Variants in DACT3 observed in about 807,000 individuals in gnomAD.
The protein encoded by DACT3 is dapper homolog 3.
A neutral mutation model predicts 19.6 loss-of-function variants in DACT3; 5 were observed. The observed-to-expected ratio is 0.26, with a 90% CI of 0.13 to 0.54. DACT3 has a LOEUF of 0.54. DACT3 is among the 20% of genes least tolerant of loss of function. The pLI, the probability that DACT3 is intolerant of heterozygous loss-of-function variation, is 0.95. For missense variants in DACT3, 908 were observed against 927.4 expected (o/e 0.98, Z 0.27); for synonymous variants, 454 against 428.1 (o/e 1.06, Z -0.75).
rs1318749420 is a variant in DACT3 at position 46,649,350 on chromosome 19, G to A, written c.1022C>T (p.Ala341Val). 1.6e-6 allele frequency: 2 copies of A among 1,245,722 alleles called. No individual in the cohort carries two copies. Among genetic ancestry groups the A allele is most frequent in the Non-Finnish European group, 2.0e-6 (2 of 992,268 alleles). 77.2% of individuals were successfully genotyped at this position (1,245,722 alleles called of 1,614,324 possible). A position where few individuals can be genotyped will look rare whatever the true frequency, so the allele number is the denominator to read the frequency against. ...EAAPEPAAPP[A>V]APSPPDSPAE... ...CGGGCTGTCGGGGGGTGAGGGGGCG[G>A]CGGGCGGCGCAGCGGGCTCGGGTGC... is the stretch of plus-strand genomic sequence containing the variant. Residue 341 changes from alanine (A) to valine (V), a missense_variant, in exon 4 of 4, where the codon GCC becomes GTC. By Grantham distance (64) the Ala-to-Val change is moderately conservative. Coordinates refer to ENST00000391916, the MANE Select transcript of DACT3 (RefSeq NM_145056.3).
rs576828980 is a variant in DACT3, at chr19:46,656,521, G to T, written c.250-3446C>A. The stretch of plus-strand genomic sequence containing the variant: ...TGCCACCACACCCCCGCTAATCTTT[G>T]TATTTTTTTGTAGAGACAGGGTCTC... On this transcript the variant is annotated intron_variant, in intron 1 of 3. Transcript: ENST00000391916. 2.6e-4 allele frequency among the ~76,000 whole-genome samples: 39 copies of T among 151,966 alleles called. No individual in the cohort carries two copies. In the South Asian group the frequency reaches 7.9e-3, roughly 31 times the overall value.
chr19:46,651,691 T>TGG (rs1491061333), intron 3 of DACT3: 2 of 141,036 alleles, frequency 1.4e-5, no homozygotes, highest in African/African-American at 5.3e-5. Flanking sequence ...TGTGTGTGTG[T>TGG]GGTTGGTGTT....
Position 46,648,307 on chromosome 19 carries a change from C to G in DACT3, c.*175G>C. On this transcript the variant is annotated 3_prime_UTR_variant, in exon 4 of 4. Coordinates refer to ENST00000391916, the MANE Select transcript of DACT3 (RefSeq NM_145056.3). The surrounding 1 kb of genome is among the most constrained non-coding windows in gnomAD (Gnocchi z 5.1). ...TCAAACAGGGCTCCTCCCCATTCCT[C>G]TCGGTGGTGGTGGGGGAGCCTTTTC... 2 of 1,104,742 alleles carry G rather than the reference C, an allele frequency of 1.8e-6. No homozygotes were observed. Among genetic ancestry groups the G allele is most frequent in the South Asian group, 3.1e-5 (2 of 64,864 alleles). The allele number at this position is 1,104,742 out of a possible 1,614,324, so 68.4% of individuals were successfully genotyped here.
intron 1 of DACT3, chr19:46,654,625 A>G: frequency 1.0e-6 from 1 of 985,484 alleles, no homozygotes; most frequent in Non-Finnish European, 1.2e-6. Context: ...AGAGGGTCAG[A>G]GCCAGAAAAA....
chr19:46,651,891 A>ATATT (rs890446623), intron 3 of DACT3: 3 of 151,470 alleles, frequency 2.0e-5, no homozygotes, highest in African/African-American at 4.9e-5. Context: ...ATACCATTTT[A>ATATT]TATTTATTTA....
chr19:46,652,923 G>T, intron 2 of DACT3, 56 bp downstream of exon 2: 2 of 1,546,652 alleles, frequency 1.3e-6, no homozygotes, highest in Non-Finnish European at 8.7e-7. Context: ...CAGAAATAGG[G>T]ATACGGGGAA....
At position 46,648,748 on chromosome 19, in the gene DACT3, C is replaced by A. The variant is rs756307687; in HGVS notation, c.1624G>T (p.Gly542Cys). The change falls in exon 4 of 4, where the codon GGC (glycine) becomes TGC (cysteine). Residue 542 changes from glycine (G) to cysteine (C), a missense_variant. Physicochemically the swap from Gly to Cys is radical, Grantham distance 159 (BLOSUM62 -3). Transcript: ENST00000391916. This position sits in a 1 kb window ranked among gnomAD's most constrained non-coding sequence, Gnocchi z 5.1. Reference protein sequence around the residue: ...LGRRGPAGGVGGGYGESESSA... With the variant: ...LGRRGPAGGVCGGYGESESSA... Reference sequence around the variant, plus strand: ...GATTCGCTCTCCCCGTAACCCCCGCCGACGCCTCCCGCAGGCCCCCGGCGT... The same window carrying A: ...GATTCGCTCTCCCCGTAACCCCCGCAGACGCCTCCCGCAGGCCCCCGGCGT... 3 of 1,579,922 alleles carry A rather than the reference C, an allele frequency of 1.9e-6. No homozygotes were observed. Among genetic ancestry groups the A allele is most frequent in the Non-Finnish European group, 1.7e-6 (2 of 1,168,848 alleles).
Position 46,649,335 on chromosome 19 carries a change from G to C in DACT3, c.1037C>G (p.Pro346Arg), listed in dbSNP as rs2052954587. The change falls in exon 4 of 4, where the codon CCC (proline) becomes CGC (arginine). Residue 346 changes from proline to arginine, a missense_variant. By Grantham distance (103) the Pro-to-Arg change is moderately radical. Coordinates refer to ENST00000391916, the MANE Select transcript of DACT3 (RefSeq NM_145056.3). ...CAAGCGGCCCTCAGCCGGGCTGTCG[G>C]GGGGTGAGGGGGCGGCGGGCGGCGC... ...PAAPPAAPSP[P>R]DSPAEGRLVK... 2.4e-6 allele frequency: 3 copies of C among 1,242,478 alleles called. No homozygotes were observed. The highest frequency in any genetic ancestry group is 7.4e-5 in the East Asian group (2 of 27,156). 77.0% of individuals were successfully genotyped at this position (1,242,478 alleles called of 1,614,324 possible).
intron 1 of DACT3, among the ~76,000 whole-genome samples, chr19:46,658,517 G>A (rs2053049022): frequency 6.6e-6 from 1 of 152,238 alleles, no homozygotes; most frequent in Admixed American, 6.5e-5. Context: ...TAGGGAGACA[G>A]ACAGGAGATG....
chr19:46,653,046 C>A lies in DACT3; in HGVS notation c.279G>T (p.Leu93=). ...LEALPGLVWD[L]GQQLGDLSLE... Reference sequence around the variant, plus strand: ...GGCTCAGGTCTCCCAGCTGCTGTCCCAGGTCCCAGACGAGACCAGGCAGGG... The same window carrying A: ...GGCTCAGGTCTCCCAGCTGCTGTCCAAGGTCCCAGACGAGACCAGGCAGGG... Residue 93 remains leucine, a synonymous_variant, in exon 2 of 4, where the codon CTG becomes CTT. Coordinates refer to ENST00000391916, the MANE Select transcript of DACT3 (RefSeq NM_145056.3). 1 of 1,551,542 alleles carries A rather than the reference C, an allele frequency of 6.4e-7. No individual in the cohort carries two copies. The highest frequency in any genetic ancestry group is 8.7e-7 in the Non-Finnish European group (1 of 1,146,984).
In DACT3 at chr19:46,660,808, C is replaced by T; in HGVS notation, c.249+8G>A. The T allele has an allele frequency of 6.7e-7, 1 of 1,492,786 alleles. No homozygotes were observed. The highest frequency in any genetic ancestry group is 8.9e-7 in the Non-Finnish European group (1 of 1,127,172). 92.5% of individuals were successfully genotyped at this position (1,492,786 alleles called of 1,614,324 possible). A position where few individuals can be genotyped will look rare whatever the true frequency, so the allele number is the denominator to read the frequency against. On this transcript the variant is annotated splice_region_variant and intron_variant, in intron 1 of 3. Transcript: ENST00000391916. The surrounding 1 kb of genome is among the most constrained non-coding windows in gnomAD (Gnocchi z 4.9). The stretch of plus-strand genomic sequence containing the variant: ...GGTGGAGGGACGGACGGACAGGCAG[C>T]CCCTTACCAGCTGCTCCTCCAGGGC...
At chr19:46,651,069 T>G (rs113433039) in intron 3 of DACT3, 1 of 44,082 alleles carries the variant, frequency 2.3e-5, no homozygotes. Flanking sequence ...ATTTATCTAT[T>G]TATTTATTTA....
At chr19:46,651,924 C>T (rs1480585790) in intron 3 of DACT3, 1 of 152,026 alleles carries the variant, frequency 6.6e-6, no homozygotes, top group Non-Finnish European at 1.5e-5. Context: ...GATGGAGTCT[C>T]ACTCTGTCAC....
In DACT3 at chr19:46,661,098, C is replaced by G; in HGVS notation, c.-34G>C. On this transcript the variant is annotated 5_prime_UTR_variant, in exon 1 of 4. Transcript: ENST00000391916. ...CCCCCCGCCCCAGCCCGGCCGGGCCCCGCGGCCACCCCTCTCCCGGTCCCA... is the reference window on the plus strand; with the variant it reads ...CCCCCCGCCCCAGCCCGGCCGGGCCGCGCGGCCACCCCTCTCCCGGTCCCA... 1 of 1,392,988 alleles carries G rather than the reference C, an allele frequency of 7.2e-7. No homozygotes were observed. Among genetic ancestry groups the G allele is most frequent in the Non-Finnish European group, 9.2e-7 (1 of 1,081,472 alleles). The allele number at this position is 1,392,988 out of a possible 1,614,324, so 86.3% of individuals were successfully genotyped here.
rs544808299 is a variant in DACT3 at position 46,657,633 on chromosome 19, G to A, written c.249+3183C>T. On this transcript the variant is annotated intron_variant, in intron 1 of 3. Transcript: ENST00000391916. ...CTCCCAAAGTGCTGGAATTACAGGCGTGAGCCACCGCGCCCGGCCAATGAG... is the reference window on the plus strand; with the variant it reads ...CTCCCAAAGTGCTGGAATTACAGGCATGAGCCACCGCGCCCGGCCAATGAG... Among the ~76,000 whole-genome samples the A allele has an allele frequency of 2.3e-4, 35 of 151,934 alleles. No homozygotes were observed. In the South Asian group the frequency reaches 5.8e-3, roughly 25 times the overall value.
chr19:46,649,972 C>G (rs1415707038), intron 3 of DACT3, 100 bp from the exon 4 acceptor site: 2 of 1,244,148 alleles, frequency 1.6e-6, no homozygotes, highest in African/African-American at 3.2e-5. Flanking sequence ...CGGGTTGCCT[C>G]CCTCCCTTCC....
chr19:46,648,676 C>G lies in DACT3; in HGVS notation c.1696G>C (p.Asp566His). 6.2e-7 allele frequency: 1 copy of G among 1,611,890 alleles called. No individual in the cohort carries two copies. The highest frequency in any genetic ancestry group is 8.5e-7 in the Non-Finnish European group (1 of 1,179,382). ...ACGAGGCCACCGCTGCCGTCTGAGT[C>G]GCTGGAGGCAGAGCTGAAGGCAGGC... ...ESPAFSSASS[D>H]SDGSGGLVWP... Residue 566 changes from aspartate (D) to histidine (H), a missense_variant, in exon 4 of 4, where the codon GAC becomes CAC. Asp to His is a moderately conservative substitution (Grantham distance 81). Around this residue, in one of 2 missense-constraint regions of DACT3, gnomAD observed 656 missense variants for 601.8 expected, o/e 1.09. Transcript: ENST00000391916. The surrounding 1 kb of genome is among the most constrained non-coding windows in gnomAD (Gnocchi z 5.1).
intron 1 of DACT3, among the ~76,000 whole-genome samples, chr19:46,658,895 G>A (rs967733088): frequency 1.3e-5 from 2 of 152,104 alleles, no homozygotes; most frequent in African/African-American, 2.4e-5. Flanking sequence ...GAGCAAGCAG[G>A]ACCCAGGGAG....
At chr19:46,652,404 C>CA (rs2052994385) in intron 3 of DACT3, 2 of 496,234 alleles carry the variant, frequency 4.0e-6, no homozygotes, top group Non-Finnish European at 7.1e-6. Context: ...AGGCTGGTCT[C>CA]AATCTCCTGG....
Sources: allele counts gnomAD v4.1 joint callset (sites outside exome capture counted in the v4.1 genomes callset), GRCh38; gene constraint gnomAD v4.1.1; regional missense constraint gnomAD v4.1.1; non-coding constraint Gnocchi (gnomAD v3.1); transcripts MANE v1.5; gene names NCBI Gene and HGNC (gene_info 2026-07-23, HGNC 2026-07-21).